The following MARS1 variants were observed in gnomAD, a reference collection of about 807,000 sequenced individuals.
The protein encoded by MARS1 is methionine--tRNA ligase, cytoplasmic.
In MARS1, 80 loss-of-function variants were observed where a neutral mutation model predicts 119.5. The ratio of observed to expected loss-of-function variants is 0.67; its 90% CI spans 0.56 to 0.81. MARS1 has a LOEUF of 0.81. Ranked by LOEUF, MARS1 falls within the 30% of genes least tolerant of loss-of-function variation. The probability of loss-of-function intolerance (pLI) is 0.00; values close to 1 mark genes in which losing one functional copy is unlikely to be tolerated. For synonymous variants in MARS1, 418 were observed against 433.4 expected, an observed-to-expected ratio of 0.96 and a Z score of 0.44; for missense variants, 945 against 1,116.5, an observed-to-expected ratio of 0.85 and a Z score of 2.19.
chr12:57,508,812 T>G (rs1394791033), intron 11 of MARS1, among the ~76,000 whole-genome samples: 5 of 152,192 alleles, frequency 3.3e-5, no homozygotes, highest in Non-Finnish European at 7.3e-5. Context: ...TTCACCCGCC[T>G]TAGCCTCCCA....
chr12:57,512,917 G>A lies in MARS1; in HGVS notation c.1920G>A (p.Leu640=), dbSNP rs757159051. The change falls in exon 15 of 21, where the codon CTG becomes CTA. Residue 640 remains leucine (L), a synonymous_variant. Transcript: ENST00000262027. ...CTTTCTCCTGGACGGACCTGCTGCT[G>A]AAGAATAATTCTGAGCTGCTTAACA... The part of the protein sequence containing the change: ...DSAFSWTDLL[L]KNNSELLNNL... The A allele has an allele frequency of 6.2e-7, 1 of 1,614,220 alleles. No homozygotes were observed. Among genetic ancestry groups the A allele is most frequent in the Non-Finnish European group, 8.5e-7 (1 of 1,180,028 alleles).
chr12:57,511,639 C>T, intron 11 of MARS1, 59 bp from the exon 12 acceptor site: 1 of 1,585,294 alleles, frequency 6.3e-7, no homozygotes, highest in East Asian at 2.2e-5. Flanking sequence ...ATGTGTTTAT[C>T]CTTATGCTAA....
At chr12:57,508,322 G>T (rs1434448173) in intron 11 of MARS1, among the ~76,000 whole-genome samples, 4 of 152,188 alleles carry the variant, frequency 2.6e-5, no homozygotes, top group Non-Finnish European at 4.4e-5. Context: ...CTGGGAGGTG[G>T]AGGTTGTAGC....
intron 7 of MARS1, among the ~76,000 whole-genome samples, chr12:57,495,135 GC>G (rs1205263928): frequency 1.3e-5 from 2 of 148,560 alleles, no homozygotes; most frequent in African/African-American, 5.0e-5. Context: ...AGGCGGAGGC[GC>G]CCCCCACCTC....
Position 57,488,196 on chromosome 12 carries a change from G to C in MARS1, c.106G>C (p.Glu36Gln). ...GGTGCTCATCAGCACTGTAGGCCCG[G>C]AAGGTACTCGTGCTGGTGCTGGTGG... Reference protein sequence around the residue: ...AEVLISTVGPEDCVVPFLTRP... With the variant: ...AEVLISTVGPQDCVVPFLTRP... Residue 36 changes from glutamate to glutamine, a missense_variant, in exon 1 of 21, where the codon GAA (glutamate) becomes CAA (glutamine). Glu to Gln is a conservative substitution (Grantham distance 29). Coordinates refer to ENST00000262027, the MANE Select transcript of MARS1 (RefSeq NM_004990.4). The C allele has an allele frequency of 6.2e-7, 1 of 1,611,058 alleles. No individual in the cohort carries two copies. Among genetic ancestry groups the C allele is most frequent in the East Asian group, 2.2e-5 (1 of 44,810 alleles).
At position 57,515,030 on chromosome 12, in the gene MARS1, A is replaced by G; in HGVS notation, c.2176A>G (p.Lys726Glu). 1.2e-6 allele frequency: 2 copies of G among 1,614,186 alleles called. No homozygotes were observed. Among genetic ancestry groups the G allele is most frequent in the Non-Finnish European group, 1.7e-6 (2 of 1,180,044 alleles). ...NQYIQVNEPW[K>E]RIKGSEADRQ... ...ATATATTCAGGTGAATGAGCCCTGG[A>G]AGCGGATTAAAGGCAGTGAGGCTGA... The change falls in exon 17 of 21, where the codon AAG (lysine) becomes GAG (glutamate). Residue 726 changes from lysine to glutamate, a missense_variant. Physicochemically the swap from Lys to Glu is moderately conservative, Grantham distance 56. Transcript: ENST00000262027.
At chr12:57,505,558 C>A (rs1877144857) in intron 11 of MARS1, among the ~76,000 whole-genome samples, 1 of 152,072 alleles carries the variant, frequency 6.6e-6, no homozygotes, top group Non-Finnish European at 1.5e-5. Context: ...TGCCTGTAAT[C>A]CTAGCACTTT....
At chr12:57,489,689 C>G (rs1248185934) in intron 4 of MARS1, 131 bp downstream of exon 4, 2 of 1,301,292 alleles carry the variant, frequency 1.5e-6, no homozygotes, top group African/African-American at 1.5e-5. Flanking sequence ...ATCACTTAAT[C>G]TCTCTAATCC....
intron 11 of MARS1, among the ~76,000 whole-genome samples, chr12:57,511,303 G>T (rs547087205): frequency 6.6e-6 from 1 of 152,192 alleles, no homozygotes; most frequent in East Asian, 1.9e-4. Context: ...TCTAGTTAAG[G>T]CTGGGCAGGG....
At chr12:57,488,417 C>T in intron 1 of MARS1, 1 of 774,576 alleles carries the variant, frequency 1.3e-6, no homozygotes. Flanking sequence ...TTATCTCTCT[C>T]CTCCCCTCTT....
chr12:57,488,718 T>A, intron 1 of MARS1: 1 of 1,440,898 alleles, frequency 6.9e-7, no homozygotes, highest in Non-Finnish European at 9.5e-7. Flanking sequence ...CAGATAATTA[T>A]GAAGATATCC....
rs1877698914 is a variant in MARS1 at position 57,514,790 on chromosome 12, C to T, written c.2038C>T (p.Arg680Cys). 9 of 1,614,074 alleles carry T rather than the reference C, an allele frequency of 5.6e-6. No homozygotes were observed. Among genetic ancestry groups the T allele is most frequent in the African/African-American group, 1.3e-5 (1 of 74,922 alleles). The change falls in exon 16 of 21, where the codon CGC (arginine) becomes TGC (cysteine). Residue 680 changes from arginine (R) to cysteine (C), a missense_variant. Arg to Cys is a radical substitution (Grantham distance 180, BLOSUM62 -3). Coordinates refer to ENST00000262027, the MANE Select transcript of MARS1 (RefSeq NM_004990.4). ...GATGGTGCTCACCCCTGATGATCAGCGCCTGCTGGCCCATGTCACCCTGGA... is the reference window on the plus strand; with the variant it reads ...GATGGTGCTCACCCCTGATGATCAGTGCCTGCTGGCCCATGTCACCCTGGA... ...PEMVLTPDDQ[R>C]LLAHVTLELQ...
At chr12:57,501,007 G>T (rs543761931) in intron 10 of MARS1, among the ~76,000 whole-genome samples, 1 of 152,204 alleles carries the variant, frequency 6.6e-6, no homozygotes, top group Admixed American at 6.5e-5. Flanking sequence ...AAACTGCCAG[G>T]AAAATGTGAC....
At chr12:57,513,297 G>A (rs1877613281) in intron 15 of MARS1, among the ~76,000 whole-genome samples, 1 of 152,142 alleles carries the variant, frequency 6.6e-6, no homozygotes, top group African/African-American at 2.4e-5. Context: ...TTTGGCTGAA[G>A]AAAGGGGTTA....
At chr12:57,493,437 AT>A (rs1190242421) in intron 7 of MARS1, among the ~76,000 whole-genome samples, 12,936 of 15,484 alleles carry the variant, frequency 0.84, 6,368 homozygotes, top group East Asian at 0.98. Context: ...TGTATAATAT[AT>A]TACATAATAT....
chr12:57,515,478 G>A (rs958138234), intron 18 of MARS1, 142 bp downstream of exon 18: 98 of 779,324 alleles, frequency 1.3e-4, no homozygotes, highest in East Asian at 8.4e-4. Context: ...CTTGGTAGTC[G>A]TTCACAAGTC....
At chr12:57,515,461 TAA>T in intron 18 of MARS1, 125 bp downstream of exon 18, 1 of 926,620 alleles carries the variant, frequency 1.1e-6, no homozygotes, top group Non-Finnish European at 1.6e-6. Context: ...GTTTCTGATA[TAA>T]AGTCCTTGGT....
chr12:57,512,828 G>C lies in MARS1; in HGVS notation c.1831G>C (p.Gly611Arg). Residue 611 changes from glycine (G) to arginine (R), a missense_variant, in exon 15 of 21, where the codon GGG becomes CGG. By Grantham distance (125) the Gly-to-Arg change is moderately radical. Coordinates refer to ENST00000262027, the MANE Select transcript of MARS1 (RefSeq NM_004990.4). ...GTTTGGGGACATGGCCCAGGACACGGGGATCCCTGCTGACATCTGGCGCTT... is the reference window on the plus strand; with the variant it reads ...GTTTGGGGACATGGCCCAGGACACGCGGATCCCTGCTGACATCTGGCGCTT... ...GVFGDMAQDT[G>R]IPADIWRFYL... The C allele has an allele frequency of 6.2e-7, 1 of 1,614,240 alleles. No homozygotes were observed. The highest frequency in any genetic ancestry group is 8.5e-7 in the Non-Finnish European group (1 of 1,180,048).
At chr12:57,498,308 G>A in intron 8 of MARS1, 35 bp downstream of exon 8, 1 of 1,601,366 alleles carries the variant, frequency 6.2e-7, no homozygotes, top group Non-Finnish European at 8.6e-7. Context: ...ACCTCCTAAG[G>A]GAAGGGCGGG....
Sources: gnomAD v4.1 joint callset for allele counts (sites outside exome capture counted in the v4.1 genomes callset) on GRCh38, gnomAD v4.1.1 for gene constraint, MANE v1.5 for transcripts, NCBI Gene and HGNC (gene_info 2026-07-23, HGNC 2026-07-21) for gene names.